Variants in GOLM2 observed in about 807,000 individuals in gnomAD.
GOLM2 encodes protein GOLM2.
GOLM2 carries 26 observed loss-of-function variants against 55.9 expected under a neutral mutation model. The ratio of observed to expected loss-of-function variants is 0.47; its 90% CI spans 0.34 to 0.65. The LOEUF is 0.65. GOLM2 is among the 30% of genes least tolerant of loss of function. The pLI is 0.01. For missense variants in GOLM2, 486 were observed against 531.8 expected, an observed-to-expected ratio of 0.91 and a Z score of 0.85; for synonymous variants, 165 against 194.6, an observed-to-expected ratio of 0.85 and a Z score of 1.27.
At chr15:44,358,880 G>C (rs1248168450) in intron 6 of GOLM2, among the ~76,000 whole-genome samples, 1 of 152,174 alleles carries the variant, frequency 6.6e-6, no homozygotes, top group African/African-American at 2.4e-5. Context: ...CTTCTGGCCG[G>C]GCACGGTGGC....
At chr15:44,386,536 G>A (rs923608476) in intron 8 of GOLM2, among the ~76,000 whole-genome samples, 16 of 151,992 alleles carry the variant, frequency 1.1e-4, no homozygotes, top group South Asian at 2.1e-4. Context: ...TTTATTGTAG[G>A]ATCTGCTTTT....
At chr15:44,308,417 A>G (rs997884797) in intron 1 of GOLM2, 9 of 152,296 alleles carry the variant, frequency 5.9e-5, no homozygotes, top group Non-Finnish European at 1.3e-4. Context: ...TATGGCTGAT[A>G]ATATTTTATT....
chr15:44,358,889 G>A (rs1186592991), intron 6 of GOLM2, among the ~76,000 whole-genome samples: 3 of 152,188 alleles, frequency 2.0e-5, no homozygotes, highest in Non-Finnish European at 2.9e-5. Context: ...GGGCACGGTG[G>A]CTCACGCCTG....
intron 6 of GOLM2, chr15:44,355,670 TC>T: frequency 4.6e-6 from 1 of 219,344 alleles, no homozygotes; most frequent in Admixed American, 5.0e-5. Flanking sequence ...GACCTCATGG[TC>T]CACATGGCCT....
intron 2 of GOLM2, among the ~76,000 whole-genome samples, chr15:44,327,444 A>G (rs1447144594): frequency 6.6e-6 from 1 of 152,026 alleles, no homozygotes; most frequent in East Asian, 2.0e-4. Context: ...GGCTGTATAT[A>G]TATCTCCCAA....
chr15:44,312,062 G>A (rs1351949626), intron 1 of GOLM2, among the ~76,000 whole-genome samples: 2 of 152,112 alleles, frequency 1.3e-5, no homozygotes, highest in East Asian at 3.8e-4. Flanking sequence ...AACCATAATT[G>A]TTCTCCAACT....
chr15:44,323,028 C>G lies in GOLM2; in HGVS notation c.382+9C>G. ...CATACATCATTTAAAGGGTAAGAAC[C>G]TTAATTCCAGATTAAAGATAAACCA... On this transcript the variant is annotated intron_variant, in intron 2 of 9. Transcript: ENST00000299957. 2 of 1,544,278 alleles carry G rather than the reference C, an allele frequency of 1.3e-6. No homozygotes were observed. The highest frequency in any genetic ancestry group is 1.7e-6 in the Non-Finnish European group (2 of 1,145,316).
intron 8 of GOLM2, among the ~76,000 whole-genome samples, chr15:44,385,966 T>C (rs1187902134): frequency 6.6e-6 from 1 of 152,246 alleles, no homozygotes; most frequent in East Asian, 1.9e-4. Flanking sequence ...GATTTGCAAA[T>C]ATTTTTGCAC....
intron 4 of GOLM2, among the ~76,000 whole-genome samples, chr15:44,333,556 AC>A (rs1195617190): frequency 1.3e-5 from 2 of 152,154 alleles, no homozygotes; most frequent in East Asian, 3.8e-4. Flanking sequence ...TGAGTGAGCT[AC>A]CATAGTAGAG....
chr15:44,379,859 A>C, intron 7 of GOLM2, 71 bp downstream of exon 7: 1 of 847,104 alleles, frequency 1.2e-6, no homozygotes, highest in Non-Finnish European at 1.9e-6. Flanking sequence ...ATAGTGTATA[A>C]AATATATCAC....
chr15:44,349,141 C>T (rs374312490), intron 6 of GOLM2, among the ~76,000 whole-genome samples: 2 of 151,828 alleles, frequency 1.3e-5, no homozygotes, highest in African/African-American at 2.4e-5. Context: ...TGCCTGTAAT[C>T]CCAGCTACTC....
At chr15:44,322,928 T>C (rs1056730463) in intron 1 of GOLM2, 37 bp from the exon 2 acceptor site, 1 of 1,430,238 alleles carries the variant, frequency 7.0e-7, no homozygotes, top group Non-Finnish European at 9.6e-7. Context: ...CAAAACTACA[T>C]ATTTTTTAGT....
At position 44,332,060 on chromosome 15, in the gene GOLM2, G is replaced by C. The variant is rs1215630869; in HGVS notation, c.558G>C (p.Gln186His). The change falls in exon 4 of 10, where the codon CAG becomes CAC. Residue 186 changes from glutamine to histidine, a missense_variant. Physicochemically the swap from Gln to His is conservative, Grantham distance 24. Coordinates refer to ENST00000299957, the MANE Select transcript of GOLM2 (RefSeq NM_138423.4). Reference sequence around the variant, plus strand: ...AAAATATTAAAAAGTTAGCAGACCAGTTTTTAGAGGAACAAAAGGTAAATT... The same window carrying C: ...AAAATATTAAAAAGTTAGCAGACCACTTTTTAGAGGAACAAAAGGTAAATT... ...HEENIKKLAD[Q>H]FLEEQKQETQ... The C allele has an allele frequency of 1.3e-6, 2 of 1,577,524 alleles. No individual in the cohort carries two copies. Among genetic ancestry groups the C allele is most frequent in the South Asian group, 2.3e-5 (2 of 86,138 alleles).
intron 1 of GOLM2, among the ~76,000 whole-genome samples, chr15:44,321,423 T>C (rs781063651): frequency 6.9e-6 from 1 of 145,260 alleles, no homozygotes; most frequent in Non-Finnish European, 1.5e-5. Context: ...GGGAGCTGTT[T>C]TGCCACTGCA....
intron 6 of GOLM2, among the ~76,000 whole-genome samples, chr15:44,366,002 C>G (rs1307901616): frequency 2.0e-5 from 3 of 152,136 alleles, no homozygotes; most frequent in East Asian, 3.8e-4. Context: ...GAACTTAAAA[C>G]TGCTCTAAGT....
At chr15:44,311,145 TTTATAC>T (rs1340685104) in intron 1 of GOLM2, among the ~76,000 whole-genome samples, 2 of 152,226 alleles carry the variant, frequency 1.3e-5, no homozygotes, top group African/African-American at 4.8e-5. Context: ...GCAAGGTAGT[TTTATAC>T]TTATACATGT....
At chr15:44,359,575 G>A (rs528502480) in intron 6 of GOLM2, among the ~76,000 whole-genome samples, 17 of 152,240 alleles carry the variant, frequency 1.1e-4, no homozygotes, top group African/African-American at 2.6e-4. Context: ...GCAACAGAGC[G>A]AGACTCCGTC....
intron 1 of GOLM2, among the ~76,000 whole-genome samples, chr15:44,293,878 T>C (rs2078737900): frequency 1.3e-5 from 2 of 152,196 alleles, no homozygotes; most frequent in Non-Finnish European, 2.9e-5. Context: ...AAGGACAGAG[T>C]ATCAACATAA....
chr15:44,379,025 G>A (rs1018975305), intron 6 of GOLM2, among the ~76,000 whole-genome samples: 12 of 152,120 alleles, frequency 7.9e-5, no homozygotes, highest in African/African-American at 1.9e-4. Context: ...GATTACAGGC[G>A]TGAGCCACTG....
Sources: allele counts gnomAD v4.1 joint callset (sites outside exome capture counted in the v4.1 genomes callset), GRCh38; gene constraint gnomAD v4.1.1; transcripts MANE v1.5; gene names NCBI Gene and HGNC (gene_info 2026-07-23, HGNC 2026-07-21).